The following SSH2 variants were observed in gnomAD, a reference collection of about 807,000 sequenced individuals.
SSH2 encodes the protein slingshot protein phosphatase 2, also known as protein phosphatase Slingshot homolog 2.
Under a neutral mutation model 135.2 loss-of-function variants are expected in SSH2, and 37 were observed. That is an observed-to-expected ratio of 0.27 (90% CI 0.21 to 0.36). The LOEUF is 0.36. Ranked by LOEUF, SSH2 falls within the 10% of genes least tolerant of loss-of-function variation. The pLI, the probability that SSH2 is intolerant of heterozygous loss-of-function variation, is 1.00. For synonymous variants in SSH2, 628 were observed against 646.2 expected, an observed-to-expected ratio of 0.97 and a Z score of 0.43; for missense variants, 1,408 against 1,765.3, an observed-to-expected ratio of 0.80 and a Z score of 3.63.
chr17:29,721,847 C>G (rs925134108), intron 3 of SSH2, among the ~76,000 whole-genome samples: 1 of 152,154 alleles, frequency 6.6e-6, no homozygotes, highest in Non-Finnish European at 1.5e-5. Flanking sequence ...AAGTGAAACA[C>G]TATTACTAAC....
intron 3 of SSH2, among the ~76,000 whole-genome samples, chr17:29,735,645 C>T (rs1269577474): frequency 6.8e-6 from 1 of 146,946 alleles, no homozygotes; most frequent in East Asian, 2.0e-4. Flanking sequence ...TGCAGTGAGT[C>T]GAGATCGCGT....
At chr17:29,824,213 T>C (rs1290144795) in intron 2 of SSH2, among the ~76,000 whole-genome samples, 3 of 152,184 alleles carry the variant, frequency 2.0e-5, no homozygotes. Context: ...ATGCCTTAAA[T>C]AAGGAAAACT....
At chr17:29,727,605 T>A (rs894572895) in intron 3 of SSH2, among the ~76,000 whole-genome samples, 9 of 152,174 alleles carry the variant, frequency 5.9e-5, no homozygotes, top group African/African-American at 1.4e-4. Flanking sequence ...CCAATATATA[T>A]CTTAACCACA....
chr17:29,867,140 T>C lies in SSH2; in HGVS notation c.64-18211A>G, dbSNP rs139136885. Among the ~76,000 whole-genome samples, 32 of 152,186 alleles carry C rather than the reference T, an allele frequency of 2.1e-4. No individual in the cohort carries two copies. The East Asian group carries it at 6.0e-3, about 28-fold the overall frequency. ...GCATAAGCCAACATATCCAGCCCTG[T>C]GTAGGAGTTTTTAAAAGATCAGTCC... On this transcript the variant is annotated intron_variant, in intron 1 of 15. Coordinates refer to ENST00000540801, the MANE Select transcript of SSH2 (RefSeq NM_001282129.2).
intron 2 of SSH2, among the ~76,000 whole-genome samples, chr17:29,844,851 C>G (rs1158545670): frequency 6.6e-6 from 1 of 152,226 alleles, no homozygotes; most frequent in African/African-American, 2.4e-5. Context: ...AGATCTAAGG[C>G]AGCCAGCCCT....
chr17:29,876,484 T>C (rs564412535), intron 1 of SSH2, among the ~76,000 whole-genome samples: 2 of 152,278 alleles, frequency 1.3e-5, no homozygotes, highest in East Asian at 3.9e-4. Flanking sequence ...TATATTTTCT[T>C]CCATTTTGTG....
At chr17:29,739,573 T>C (rs1336848230) in intron 3 of SSH2, among the ~76,000 whole-genome samples, 1 of 152,234 alleles carries the variant, frequency 6.6e-6, no homozygotes, top group Non-Finnish European at 1.5e-5. Context: ...AGTATCTGAA[T>C]TCTGAAGTTA....
chr17:29,813,291 G>A (rs1195415968), intron 2 of SSH2, among the ~76,000 whole-genome samples: 4 of 151,994 alleles, frequency 2.6e-5, no homozygotes, highest in Non-Finnish European at 5.9e-5. Flanking sequence ...GCTAAGGCAG[G>A]AGAATCGCTT....
intron 2 of SSH2, among the ~76,000 whole-genome samples, chr17:29,821,862 T>G (rs1288157900): frequency 6.6e-6 from 1 of 152,164 alleles, no homozygotes; most frequent in Non-Finnish European, 1.5e-5. Context: ...GCCAGGCTGG[T>G]CTCGATCTCT....
At chr17:29,785,331 A>G (rs577915934) in intron 3 of SSH2, among the ~76,000 whole-genome samples, 18 of 152,032 alleles carry the variant, frequency 1.2e-4, no homozygotes, top group Non-Finnish European at 2.2e-4. Context: ...TTTGTTTCCT[A>G]TCATAACTAT....
rs902969276 is a variant in SSH2 at position 29,847,747 on chromosome 17, G to A, written c.144+1102C>T. ...GCCAAAACCAGCAGACTGTGACAAG[G>A]GCAATCCCTGGCTGCCCTCATTGCT... On this transcript the variant is annotated intron_variant, in intron 2 of 15. Transcript: ENST00000540801. Among the ~76,000 whole-genome samples the A allele has an allele frequency of 2.6e-5, 4 of 152,090 alleles. No homozygotes were observed. In the South Asian group the frequency reaches 8.3e-4, roughly 32 times the overall value.
chr17:29,929,759 C>T (rs1567661110), intron 1 of SSH2, 179 bp downstream of exon 1: 1 of 614,084 alleles, frequency 1.6e-6, no homozygotes, highest in Non-Finnish European at 2.9e-6. Context: ...CAAAAATCAA[C>T]GTCTTGTAGT....
Position 29,782,732 on chromosome 17 carries a change from T to C in SSH2, c.188+11162A>G, listed in dbSNP as rs57593263. ...TCCCAAGTAGCTGGGATTACAGGCA[T>C]GCGCCACCACGCCTGGCTAATTTTT... On this transcript the variant is annotated intron_variant, in intron 3 of 15. Coordinates refer to ENST00000540801, the MANE Select transcript of SSH2 (RefSeq NM_001282129.2). 8.7e-3 allele frequency among the ~76,000 whole-genome samples: 1,332 copies of C among 152,238 alleles called. 47 individuals carry two copies. In the East Asian group the frequency reaches 0.12, roughly 14 times the overall value.
intron 11 of SSH2, among the ~76,000 whole-genome samples, chr17:29,656,478 T>C (rs2036785956): frequency 6.6e-6 from 1 of 152,148 alleles, no homozygotes; most frequent in Non-Finnish European, 1.5e-5. Flanking sequence ...GCAGGGCCGC[T>C]CACACTCTTT....
intron 2 of SSH2, among the ~76,000 whole-genome samples, chr17:29,799,800 T>C (rs1768167610): frequency 6.6e-6 from 1 of 152,152 alleles, no homozygotes; most frequent in South Asian, 2.1e-4. Context: ...AGGTACTTTA[T>C]ATGTTGTTTC....
chr17:29,849,197 T>C (rs1433703429), intron 1 of SSH2, among the ~76,000 whole-genome samples: 2 of 152,172 alleles, frequency 1.3e-5, no homozygotes, highest in African/African-American at 4.8e-5. Flanking sequence ...ATGGTGCTGC[T>C]AGCCGGGCAC....
chr17:29,643,366 C>A, intron 14 of SSH2: 1 of 692,588 alleles, frequency 1.4e-6, no homozygotes, highest in Non-Finnish European at 1.8e-6. Flanking sequence ...CCCATGGGTT[C>A]AGGAAATGTG....
intron 1 of SSH2, among the ~76,000 whole-genome samples, chr17:29,876,888 A>G (rs2066043729): frequency 6.6e-6 from 1 of 152,008 alleles, no homozygotes; most frequent in Non-Finnish European, 1.5e-5. Context: ...CAAGGCAAAA[A>G]GCTTTTGCAC....
chr17:29,805,840 T>A (rs905643392), intron 2 of SSH2, among the ~76,000 whole-genome samples: 17 of 148,282 alleles, frequency 1.1e-4, no homozygotes, highest in African/African-American at 4.3e-4. Flanking sequence ...AGGAGAGCAG[T>A]ATGATCATAG....
Sources: gnomAD v4.1 joint callset for allele counts (sites outside exome capture counted in the v4.1 genomes callset) on GRCh38, gnomAD v4.1.1 for gene constraint, MANE v1.5 for transcripts, NCBI Gene and HGNC (gene_info 2026-07-23, HGNC 2026-07-21) for gene names.